The following DTHD1 variants were observed in gnomAD, a reference collection of about 807,000 sequenced individuals.
DTHD1 encodes death domain-containing protein 1.
A neutral mutation model predicts 74.8 loss-of-function variants in DTHD1; 59 were observed. The observed-to-expected ratio is 0.79, with a 90% CI of 0.64 to 0.98. DTHD1 has a LOEUF of 0.98. DTHD1 is among the 50% of genes least tolerant of loss of function. DTHD1 has a pLI of 0.00. For missense variants in DTHD1, 1,051 were observed against 1,065.4 expected (o/e 0.99, Z 0.19); for synonymous variants, 365 against 371.1 (o/e 0.98, Z 0.19).
rs1191246375 is a variant in DTHD1 at position 36,305,569 on chromosome 4, T to C, written c.1644-622T>C. 5.3e-5 allele frequency among the ~76,000 whole-genome samples: 8 copies of C among 152,294 alleles called. No homozygotes were observed. In the East Asian group the frequency reaches 1.5e-3, roughly 29 times the overall value. ...ATGGAAGCTACAGTTCAAAATGAGATTTGGATGGGAGCACAGCCAAACCAT... is the reference window on the plus strand; with the variant it reads ...ATGGAAGCTACAGTTCAAAATGAGACTTGGATGGGAGCACAGCCAAACCAT... On this transcript the variant is annotated intron_variant, in intron 5 of 9. Transcript: ENST00000639862.
chr4:36,299,837 T>A (rs955104722), intron 5 of DTHD1, among the ~76,000 whole-genome samples: 2 of 152,184 alleles, frequency 1.3e-5, no homozygotes, highest in Admixed American at 1.3e-4. Context: ...GACAATTTTA[T>A]TTTTTATTTC....
At chr4:36,292,737 C>T (rs1477597650) in intron 3 of DTHD1, among the ~76,000 whole-genome samples, 1 of 152,204 alleles carries the variant, frequency 6.6e-6, no homozygotes, top group Non-Finnish European at 1.5e-5. Context: ...TGTATGTGAG[C>T]ATGATTATCC....
At chr4:36,326,658 C>A (rs1758364267) in intron 8 of DTHD1, among the ~76,000 whole-genome samples, 1 of 152,184 alleles carries the variant, frequency 6.6e-6, no homozygotes, top group South Asian at 2.1e-4. Flanking sequence ...TTTTGCTGAA[C>A]TCTTTAATGA....
intron 1 of DTHD1, 29 bp from the exon 2 acceptor site, chr4:36,283,947 T>A: frequency 4.2e-6 from 6 of 1,427,728 alleles, no homozygotes; most frequent in Non-Finnish European, 5.7e-6. Context: ...TTGTATTTAT[T>A]CTTTGTGTGT....
chr4:36,283,260 T>C (rs1342228674), intron 1 of DTHD1, among the ~76,000 whole-genome samples: 3 of 152,188 alleles, frequency 2.0e-5, no homozygotes, highest in Admixed American at 2.0e-4. Flanking sequence ...TGAGAGATTA[T>C]ATAAGATTTG....
At chr4:36,299,885 G>T (rs543996225) in intron 5 of DTHD1, among the ~76,000 whole-genome samples, 1 of 152,146 alleles carries the variant, frequency 6.6e-6, no homozygotes, top group South Asian at 2.1e-4. Flanking sequence ...GGAGGCTGAG[G>T]TGGGAGCCCA....
At chr4:36,340,217 CTA>C (rs1326359721) in intron 9 of DTHD1, among the ~76,000 whole-genome samples, 1 of 152,152 alleles carries the variant, frequency 6.6e-6, no homozygotes, top group African/African-American at 2.4e-5. Flanking sequence ...TGGGAGAAAA[CTA>C]TGAAAAGTTT....
At position 36,316,156 on chromosome 4, in the gene DTHD1, C is replaced by T. The variant is rs530525800; in HGVS notation, c.2096-86C>T. On this transcript the variant is annotated intron_variant, in intron 7 of 9. Transcript: ENST00000639862. ...TTCACCATGTTAGCCAGGATGGTCTCGATCTCCTGACCTCGTGATCCGCCT... is the reference window on the plus strand; with the variant it reads ...TTCACCATGTTAGCCAGGATGGTCTTGATCTCCTGACCTCGTGATCCGCCT... 1.1e-4 allele frequency: 144 copies of T among 1,275,908 alleles called. No homozygotes were observed. The South Asian group carries it at 1.8e-3, about 16-fold the overall frequency. 79.0% of individuals were successfully genotyped at this position (1,275,908 alleles called of 1,614,324 possible).
chr4:36,328,396 CA>C (rs1362157468), intron 8 of DTHD1, among the ~76,000 whole-genome samples: 17 of 152,126 alleles, frequency 1.1e-4, no homozygotes, highest in African/African-American at 4.1e-4. Flanking sequence ...TAAGAAAGTT[CA>C]CGAAGACAAC....
At chr4:36,283,834 C>T in intron 1 of DTHD1, 142 bp from the exon 2 acceptor site, 1 of 622,674 alleles carries the variant, frequency 1.6e-6, no homozygotes, top group Non-Finnish European at 2.8e-6. Context: ...ACTTCTCCTT[C>T]AGGAGTTTGG....
intron 8 of DTHD1, among the ~76,000 whole-genome samples, chr4:36,328,427 C>G (rs1758475528): frequency 6.6e-6 from 1 of 152,182 alleles, no homozygotes; most frequent in Admixed American, 6.5e-5. Context: ...TTGGTGGATG[C>G]TGGTACTACG....
rs545215729 is a variant in DTHD1, at chr4:36,335,019, G to A, written c.2341-4093G>A. Among the ~76,000 whole-genome samples the A allele has an allele frequency of 4.6e-5, 7 of 152,094 alleles. No homozygotes were observed. The East Asian group carries it at 1.2e-3, about 25-fold the overall frequency. On this transcript the variant is annotated intron_variant, in intron 8 of 9. Transcript: ENST00000639862. ...AATCAGTGAATGTCTAATTGGGGAG[G>A]GAAAACAACATATATGAATGGCATT...
Position 36,281,710 on chromosome 4 carries a change from C to A in DTHD1, c.-49C>A. ...AATCACAAAGTTTGAATTTGCAAAA[C>A]CTTTAGGCTTTGCTGGCAGGAGAGA... On this transcript the variant is annotated 5_prime_UTR_variant, in exon 1 of 10. Coordinates refer to ENST00000639862, the MANE Select transcript of DTHD1 (RefSeq NM_001170700.3). The A allele has an allele frequency of 8.1e-7, 1 of 1,234,608 alleles. No individual in the cohort carries two copies. The highest frequency in any genetic ancestry group is 3.1e-5 in the East Asian group (1 of 31,754). 76.5% of individuals were successfully genotyped at this position (1,234,608 alleles called of 1,614,324 possible).
At chr4:36,298,700 G>T (rs1439819021) in intron 5 of DTHD1, among the ~76,000 whole-genome samples, 1 of 152,140 alleles carries the variant, frequency 6.6e-6, no homozygotes, top group Non-Finnish European at 1.5e-5. Flanking sequence ...ATGTCTGAAT[G>T]ATTTCTAGTG....
chr4:36,313,500 G>T (rs562339969), intron 7 of DTHD1, among the ~76,000 whole-genome samples: 1 of 151,066 alleles, frequency 6.6e-6, no homozygotes, highest in Admixed American at 6.6e-5. Flanking sequence ...GGGGCCAGGA[G>T]TCTTTAAAAT....
intron 5 of DTHD1, among the ~76,000 whole-genome samples, chr4:36,301,563 T>A (rs1194258921): frequency 2.0e-5 from 3 of 152,192 alleles, no homozygotes; most frequent in Admixed American, 2.0e-4. Context: ...TCTGACGCCC[T>A]CCACATTTGT....
At position 36,343,591 on chromosome 4, in the gene DTHD1, C is replaced by T. The variant is rs376760844; in HGVS notation, c.2488C>T (p.Arg830Cys). 412 of 1,551,736 alleles carry T rather than the reference C, an allele frequency of 2.7e-4. No homozygotes were observed. Among genetic ancestry groups the T allele is most frequent in the Non-Finnish European group, 3.3e-4 (383 of 1,146,948 alleles). ...ESLSSTLPLR[R>C]STIQLIKLKN... ...TCTTTCCTCAACTCTCCCTCTGCGC[C>T]GTAGCACCATTCAGCTCATCAAACT... The change falls in exon 10 of 10, where the codon CGT becomes TGT. Residue 830 changes from arginine to cysteine, a missense_variant. Arg to Cys is a radical substitution (Grantham distance 180). Transcript: ENST00000639862.
chr4:36,293,644 C>T lies in DTHD1; in HGVS notation c.1337C>T (p.Ser446Phe). 6.5e-7 allele frequency: 1 copy of T among 1,543,294 alleles called. No homozygotes were observed. The highest frequency in any genetic ancestry group is 8.8e-7 in the Non-Finnish European group (1 of 1,141,734). Residue 446 changes from serine (S) to phenylalanine (F), a missense_variant, in exon 4 of 10, where the codon TCC (serine) becomes TTC (phenylalanine). Ser to Phe is a radical substitution (Grantham distance 155). Coordinates refer to ENST00000639862, the MANE Select transcript of DTHD1 (RefSeq NM_001170700.3). Reference sequence around the variant, plus strand: ...CTCGCTCTTAAGTCAAGCATGGATTCCCGAATATCCTTAAATTACCCTCCA... The same window carrying T: ...CTCGCTCTTAAGTCAAGCATGGATTTCCGAATATCCTTAAATTACCCTCCA... ...KGLALKSSMD[S>F]RISLNYPPGV...
At chr4:36,341,284 T>C (rs1759299881) in intron 9 of DTHD1, among the ~76,000 whole-genome samples, 1 of 152,016 alleles carries the variant, frequency 6.6e-6, no homozygotes, top group African/African-American at 2.4e-5. Flanking sequence ...GAAGGAGCCT[T>C]GGTGAGGAGG....
Sources: gnomAD v4.1 joint callset for allele counts (sites outside exome capture counted in the v4.1 genomes callset) on GRCh38, gnomAD v4.1.1 for gene constraint, MANE v1.5 for transcripts, NCBI Gene and HGNC (gene_info 2026-07-23, HGNC 2026-07-21) for gene names.